DLGAP5: variants seen among roughly 807,000 people sequenced by gnomAD.
The protein encoded by DLGAP5 is disks large-associated protein 5.
DLGAP5 carries 90 observed loss-of-function variants against 99.6 expected under a neutral mutation model. The observed-to-expected ratio is 0.90, with a 90% CI of 0.76 to 1.08. DLGAP5 has a LOEUF of 1.08. Ranked by LOEUF, DLGAP5 falls within the 50% of genes least tolerant of loss-of-function variation. The pLI, the probability that DLGAP5 is intolerant of heterozygous loss-of-function variation, is 0.00. For missense variants in DLGAP5, 1,036 were observed against 983.5 expected, an observed-to-expected ratio of 1.05 and a Z score of -0.71; for synonymous variants, 311 against 321.3, an observed-to-expected ratio of 0.97 and a Z score of 0.34.
At chr14:55,168,447 G>C (rs1882722339) in intron 12 of DLGAP5, among the ~76,000 whole-genome samples, 1 of 152,140 alleles carries the variant, frequency 6.6e-6, no homozygotes, top group Admixed American at 6.6e-5. Flanking sequence ...TCTCTTCCTA[G>C]ATGTTTGCTT....
intron 7 of DLGAP5, among the ~76,000 whole-genome samples, chr14:55,179,262 T>C (rs1397658965): frequency 1.3e-5 from 2 of 152,178 alleles, no homozygotes; most frequent in Non-Finnish European, 2.9e-5. Flanking sequence ...CCCAGGGTTA[T>C]GCAACTAATT....
chr14:55,172,981 CA>C (rs71291818), intron 10 of DLGAP5, among the ~76,000 whole-genome samples: 5,845 of 61,986 alleles, frequency 0.094, 37 homozygotes, highest in South Asian at 0.13. Flanking sequence ...GACTCCGTCT[CA>C]AAAAAAAAAA....
intron 14 of DLGAP5, among the ~76,000 whole-genome samples, chr14:55,157,231 C>T (rs571306004): frequency 1.4e-4 from 21 of 152,254 alleles, no homozygotes; most frequent in Admixed American, 1.4e-3. Context: ...CTTAATCTCC[C>T]TATCTATAAG....
chr14:55,155,786 A>G (rs1882195164), intron 14 of DLGAP5, among the ~76,000 whole-genome samples: 1 of 152,044 alleles, frequency 6.6e-6, no homozygotes, highest in Admixed American at 6.6e-5. Context: ...ATTCTAAGCC[A>G]CCAATCAAGA....
At chr14:55,162,072 G>A (rs1882463766) in intron 13 of DLGAP5, among the ~76,000 whole-genome samples, 1 of 151,670 alleles carries the variant, frequency 6.6e-6, no homozygotes, top group African/African-American at 2.4e-5. Flanking sequence ...AACTGACAAT[G>A]CTTAGTTTGA....
intron 8 of DLGAP5, 87 bp downstream of exon 8, chr14:55,176,975 T>G (rs1883084855): frequency 1.7e-6 from 1 of 576,966 alleles, no homozygotes; most frequent in Non-Finnish European, 2.2e-6. Context: ...GAACTCCGTC[T>G]GAAAAAAAAA....
intron 2 of DLGAP5, among the ~76,000 whole-genome samples, chr14:55,185,176 C>T (rs1394714794): frequency 6.6e-6 from 1 of 152,118 alleles, no homozygotes; most frequent in Non-Finnish European, 1.5e-5. Context: ...AAGAGAGTTA[C>T]CTGTATCTCT....
chr14:55,165,737 CATCA>C (rs908298228), intron 12 of DLGAP5, among the ~76,000 whole-genome samples: 4 of 152,130 alleles, frequency 2.6e-5, no homozygotes, highest in African/African-American at 7.2e-5. Context: ...TAAGCATAGA[CATCA>C]ATCAACAATA....
In DLGAP5 at chr14:55,170,589, C is replaced by T. The variant is rs1294870947; in HGVS notation, c.1387+113G>A. The T allele has an allele frequency of 8.6e-6, 8 of 934,050 alleles. No individual in the cohort carries two copies. The Admixed American group carries it at 1.7e-4, about 20-fold the overall frequency. 57.9% of individuals were successfully genotyped at this position (934,050 alleles called of 1,614,324 possible). A position where few individuals can be genotyped will look rare whatever the true frequency, so the allele number is the denominator to read the frequency against. Reference sequence around the variant, plus strand: ...GTTAAAAAAGAAAAAATTCTTGCTACTTTGAATGATAATGAAACAATAAAG... The same window carrying T: ...GTTAAAAAAGAAAAAATTCTTGCTATTTTGAATGATAATGAAACAATAAAG... On this transcript the variant is annotated intron_variant, in intron 11 of 18. Transcript: ENST00000247191.
At chr14:55,160,599 C>T (rs942027685) in intron 13 of DLGAP5, among the ~76,000 whole-genome samples, 10 of 151,868 alleles carry the variant, frequency 6.6e-5, no homozygotes, top group South Asian at 4.2e-4. Flanking sequence ...AGGCGCCCGC[C>T]ACCATGCCTG....
chr14:55,184,793 C>A (rs1293050730), intron 2 of DLGAP5, among the ~76,000 whole-genome samples: 1 of 152,172 alleles, frequency 6.6e-6, no homozygotes, highest in Non-Finnish European at 1.5e-5. Context: ...GGAGGCAGAT[C>A]CTCCAGTCTC....
At chr14:55,178,076 C>G (rs1473257395) in intron 7 of DLGAP5, among the ~76,000 whole-genome samples, 7 of 141,878 alleles carry the variant, frequency 4.9e-5, no homozygotes, top group Non-Finnish European at 9.0e-5. Flanking sequence ...CACAGCAAAA[C>G]CCCGTCTTTG....
chr14:55,175,385 CCTT>C lies in DLGAP5; in HGVS notation c.1259_1261del (p.Glu420del), dbSNP rs767718296. On this transcript the variant is annotated inframe_deletion, in exon 10 of 19. Transcript: ENST00000247191. ...ACCATGGTGGGGCTGAGCAATTCGA[CCTT>C]CATTTCTTTCAAGTGATGGGACTTC... is the stretch of plus-strand genomic sequence containing the variant. The C allele has an allele frequency of 1.9e-6, 3 of 1,609,196 alleles. No individual in the cohort carries two copies. The highest frequency in any genetic ancestry group is 3.4e-5 in the Admixed American group (2 of 59,178).
chr14:55,160,482 G>A (rs1379748833), intron 13 of DLGAP5, among the ~76,000 whole-genome samples: 1 of 151,798 alleles, frequency 6.6e-6, no homozygotes, highest in Admixed American at 6.6e-5. Context: ...GAGTCTTGAT[G>A]TGTCGCCCAG....
intron 1 of DLGAP5, among the ~76,000 whole-genome samples, chr14:55,190,289 T>TAC (rs142940996): frequency 0.1 from 15,434 of 147,320 alleles, 1,073 homozygotes; most frequent in Non-Finnish European, 0.14. Context: ...AGAAAAGCCA[T>TAC]ACACACACAC....
At chr14:55,171,322 T>C (rs2140318761) in intron 10 of DLGAP5, among the ~76,000 whole-genome samples, 1 of 152,324 alleles carries the variant, frequency 6.6e-6, no homozygotes, top group Non-Finnish European at 1.5e-5. Flanking sequence ...TTGATTGTCA[T>C]GACTGGAGGA....
intron 12 of DLGAP5, among the ~76,000 whole-genome samples, chr14:55,166,727 C>T (rs997419726): frequency 2.7e-5 from 4 of 150,326 alleles, no homozygotes; most frequent in Admixed American, 6.6e-5. Flanking sequence ...GAAACTCCAT[C>T]TCAAAAAAAA....
chr14:55,167,115 G>A (rs1034410247), intron 12 of DLGAP5, among the ~76,000 whole-genome samples: 8 of 151,482 alleles, frequency 5.3e-5, no homozygotes, highest in East Asian at 1.9e-4. Flanking sequence ...TTAGCCTGGC[G>A]TGGTGGTGGG....
chr14:55,157,464 A>G (rs1049901453), intron 14 of DLGAP5, among the ~76,000 whole-genome samples: 1 of 152,202 alleles, frequency 6.6e-6, no homozygotes, highest in Non-Finnish European at 1.5e-5. Flanking sequence ...TAAATATCAG[A>G]TAGCAGGTAT....
Sources: gnomAD v4.1 joint callset for allele counts (sites outside exome capture counted in the v4.1 genomes callset) on GRCh38, gnomAD v4.1.1 for gene constraint, MANE v1.5 for transcripts, NCBI Gene and HGNC (gene_info 2026-07-23, HGNC 2026-07-21) for gene names.